Variants in PPP5C observed in about 807,000 individuals in gnomAD.
PPP5C encodes the protein protein phosphatase 5 catalytic subunit.
A neutral mutation model predicts 66.7 loss-of-function variants in PPP5C; 21 were observed. The observed-to-expected ratio is 0.31, with a 90% confidence interval of 0.22 to 0.45. PPP5C has a LOEUF of 0.45. Ranked by LOEUF, PPP5C falls within the 20% of genes least tolerant of loss-of-function variation. The probability of loss-of-function intolerance (pLI) is 1.00; values close to 1 mark genes in which losing one functional copy is unlikely to be tolerated. For synonymous variants in PPP5C, 246 were observed against 257.4 expected, an observed-to-expected ratio of 0.96 and a Z score of 0.43; for missense variants, 464 against 675.9, an observed-to-expected ratio of 0.69 and a Z score of 3.48.
In PPP5C at chr19:46,384,919, G is replaced by A. The variant is rs759558260; in HGVS notation, c.904+10G>A. 1 of 1,605,086 alleles carries A rather than the reference G, an allele frequency of 6.2e-7. No individual in the cohort carries two copies. The highest frequency in any genetic ancestry group is 1.1e-5 in the South Asian group (1 of 90,898). On this transcript the variant is annotated intron_variant, in intron 7 of 12. Transcript: ENST00000012443. ...TTTCACCTCCTTCGAGGTGAGCTGGGAAGTGACAAGGTTTGGGTTCATTGT... is the reference window on the plus strand; with the variant it reads ...TTTCACCTCCTTCGAGGTGAGCTGGAAAGTGACAAGGTTTGGGTTCATTGT...
Position 46,383,770 on chromosome 19 carries a change from T to C in PPP5C, c.700-10T>C, listed in dbSNP as rs761012620. On this transcript the variant is annotated splice_polypyrimidine_tract_variant and intron_variant, in intron 5 of 12. Coordinates refer to ENST00000012443, the MANE Select transcript of PPP5C (RefSeq NM_006247.4). This position sits in a 1 kb window ranked among gnomAD's most constrained non-coding sequence, Gnocchi z 5.0. ...GGCCCGTCCCTCTCCGGTGGCCTCT[T>C]TTCTTTCAGACAGAGAAGATTACAG... 1.2e-6 allele frequency: 2 copies of C among 1,608,792 alleles called. No individual in the cohort carries two copies. Among genetic ancestry groups the C allele is most frequent in the Non-Finnish European group, 1.7e-6 (2 of 1,175,318 alleles).
rs1170403820 is a variant in PPP5C, at chr19:46,347,108, G to T, written c.12G>T (p.Ala4=). Residue 4 remains alanine (A), a synonymous_variant, in exon 1 of 13, where the codon GCG becomes GCT. Transcript: ENST00000012443. ...GGTCGCTTTGCGGCATGGCGATGGC[G>T]GAGGGCGAGAGGACTGAGTGTGCTG... MAM[A]EGERTECAEP... 2 of 1,602,550 alleles carry T rather than the reference G, an allele frequency of 1.2e-6. No individual in the cohort carries two copies. Among genetic ancestry groups the T allele is most frequent in the Non-Finnish European group, 1.7e-6 (2 of 1,175,102 alleles).
In PPP5C at chr19:46,361,129, A is replaced by ATT. The variant is rs59090221; in HGVS notation, c.363+7157_363+7158dup. ...TTACCCAAAAGATAAGTGAAAGAAA[A>ATT]TTTTTTTTTTTTTTTTTTGAGACGG... On this transcript the variant is annotated intron_variant, in intron 2 of 12. Coordinates refer to ENST00000012443, the MANE Select transcript of PPP5C (RefSeq NM_006247.4). Among the ~76,000 whole-genome samples, 8 of 140,246 alleles carry ATT rather than the reference A, an allele frequency of 5.7e-5. No individual in the cohort carries two copies. In the South Asian group the frequency reaches 8.8e-4, roughly 15 times the overall value. 92.0% of individuals were successfully genotyped at this position (140,246 alleles called of 152,430 possible).
chr19:46,387,523 A>T (rs1158488547), intron 9 of PPP5C, 70 bp downstream of exon 9: 1 of 1,613,020 alleles, frequency 6.2e-7, no homozygotes, highest in East Asian at 2.2e-5. Flanking sequence ...CCTGCAACCC[A>T]GCCCTGCCTC....
In PPP5C at chr19:46,370,347, C is replaced by G. The variant is rs572147930; in HGVS notation, c.364-5257C>G. Among the ~76,000 whole-genome samples the G allele has an allele frequency of 3.3e-5, 5 of 152,232 alleles. No individual in the cohort carries two copies. In the South Asian group the frequency reaches 1.0e-3, roughly 32 times the overall value. On this transcript the variant is annotated intron_variant, in intron 2 of 12. Transcript: ENST00000012443. Reference sequence around the variant, plus strand: ...AACTTTTTTGTTAAAAACGAAGACACAAACGCAGACATTAGCCTAGGCCTA... The same window carrying G: ...AACTTTTTTGTTAAAAACGAAGACAGAAACGCAGACATTAGCCTAGGCCTA...
chr19:46,388,774 G>C lies in PPP5C; in HGVS notation c.1355+43G>C, dbSNP rs374458477. ...CAGCCCAGGGCCTCTACCAAGCCACGGGTTTTTGTCTTGGTTTTTGTTTTG... is the reference window on the plus strand; with the variant it reads ...CAGCCCAGGGCCTCTACCAAGCCACCGGTTTTTGTCTTGGTTTTTGTTTTG... On this transcript the variant is annotated intron_variant, in intron 11 of 12. Coordinates refer to ENST00000012443, the MANE Select transcript of PPP5C (RefSeq NM_006247.4). This position sits in a 1 kb window ranked among gnomAD's most constrained non-coding sequence, Gnocchi z 4.9. 1.3e-6 allele frequency: 2 copies of C among 1,584,096 alleles called. No homozygotes were observed. Among genetic ancestry groups the C allele is most frequent in the African/African-American group, 1.4e-5 (1 of 73,674 alleles).
chr19:46,375,898 G>A, intron 3 of PPP5C, 147 bp downstream of exon 3: 1 of 1,379,438 alleles, frequency 7.2e-7, no homozygotes, highest in Non-Finnish European at 9.6e-7. Context: ...GTGTTCCAGG[G>A]CGCTCCATCC....
intron 1 of PPP5C, among the ~76,000 whole-genome samples, chr19:46,352,070 C>T (rs1348707735): frequency 2.4e-4 from 36 of 152,224 alleles, no homozygotes; most frequent in Non-Finnish European, 1.0e-4. Flanking sequence ...CCTCTGGAGC[C>T]ACTCATGGAG....
chr19:46,358,028 G>GC (rs1972317445), intron 2 of PPP5C, among the ~76,000 whole-genome samples: 1 of 152,132 alleles, frequency 6.6e-6, no homozygotes, highest in African/African-American at 2.4e-5. Context: ...CCAGTGACCA[G>GC]CCCCCATCCT....
chr19:46,362,827 G>T (rs556823797), intron 2 of PPP5C, among the ~76,000 whole-genome samples: 1 of 149,888 alleles, frequency 6.7e-6, no homozygotes, highest in Admixed American at 6.6e-5. Context: ...TCACTCTGTC[G>T]CCCAGGCTGG....
At chr19:46,353,338 A>G (rs1265395215) in intron 1 of PPP5C, among the ~76,000 whole-genome samples, 1 of 152,126 alleles carries the variant, frequency 6.6e-6, no homozygotes, top group Non-Finnish European at 1.5e-5. Flanking sequence ...CCCGGGGCCC[A>G]GGGATCTGTC....
At chr19:46,352,563 G>A (rs1251023794) in intron 1 of PPP5C, among the ~76,000 whole-genome samples, 1 of 152,228 alleles carries the variant, frequency 6.6e-6, no homozygotes, top group Non-Finnish European at 1.5e-5. Flanking sequence ...GCTCACGCCT[G>A]TAATCCCAGC....
At chr19:46,366,565 C>T (rs551228199) in intron 2 of PPP5C, among the ~76,000 whole-genome samples, 1 of 152,156 alleles carries the variant, frequency 6.6e-6, no homozygotes, top group South Asian at 2.1e-4. Context: ...AGGCTGATCT[C>T]GAACTCCTGG....
At chr19:46,365,430 G>A (rs910293132) in intron 2 of PPP5C, among the ~76,000 whole-genome samples, 1 of 152,004 alleles carries the variant, frequency 6.6e-6, no homozygotes, top group African/African-American at 2.4e-5. Flanking sequence ...TATAATTTTA[G>A]AATTTCCTTC....
intron 2 of PPP5C, among the ~76,000 whole-genome samples, chr19:46,374,953 TC>T (rs1239450940): frequency 6.6e-6 from 1 of 152,134 alleles, no homozygotes; most frequent in Admixed American, 6.5e-5. Flanking sequence ...GTTCCTCTCT[TC>T]AGTGGACAAA....
intron 2 of PPP5C, among the ~76,000 whole-genome samples, chr19:46,364,019 G>A (rs1267367151): frequency 2.6e-5 from 4 of 152,000 alleles, no homozygotes; most frequent in South Asian, 4.1e-4. Context: ...GACAGACAGC[G>A]GTACATCAAA....
chr19:46,390,063 G>A lies in PPP5C; in HGVS notation c.1368G>A (p.Gly456=), dbSNP rs144319480. The A allele has an allele frequency of 3.7e-6, 6 of 1,613,978 alleles. No homozygotes were observed. The African/African-American group carries it at 8.0e-5, about 22-fold the overall frequency. Residue 456 remains glycine (G), a synonymous_variant, in exon 12 of 13, where the codon GGG becomes GGA. Transcript: ENST00000012443. ...CCTGTCCCTGCAGCGACCAGATGGG[G>A]AACAAAGCCTCCTACATCCACCTCC... The part of the protein sequence containing the change: ...FSAPNYCDQM[G]NKASYIHLQG...
intron 2 of PPP5C, among the ~76,000 whole-genome samples, chr19:46,371,592 A>T (rs899474149): frequency 6.6e-5 from 10 of 152,162 alleles, no homozygotes; most frequent in African/African-American, 2.4e-4. Context: ...GGGCAGGCGC[A>T]GCGGGTCCGA....
At chr19:46,370,847 TCTC>T (rs1018006515) in intron 2 of PPP5C, among the ~76,000 whole-genome samples, 2 of 152,074 alleles carry the variant, frequency 1.3e-5, no homozygotes, top group African/African-American at 2.4e-5. Context: ...TTCATACCAT[TCTC>T]CTGCTTCAGC....
Sources: allele counts gnomAD v4.1 joint callset (sites outside exome capture counted in the v4.1 genomes callset), GRCh38; gene constraint gnomAD v4.1.1; non-coding constraint Gnocchi (gnomAD v3.1); transcripts MANE v1.5; gene names NCBI Gene and HGNC (gene_info 2026-07-23, HGNC 2026-07-21).